Variants in MARCHF1 observed in about 807,000 individuals in gnomAD.
MARCHF1 encodes membrane associated ring-CH-type finger 1.
In MARCHF1, 40 loss-of-function variants were observed where a neutral mutation model predicts 54.2. The observed-to-expected ratio is 0.74, with a 90% CI of 0.57 to 0.96. The LOEUF is 0.96. MARCHF1 is among the 40% of genes least tolerant of loss of function. The pLI, the probability that MARCHF1 is intolerant of heterozygous loss-of-function variation, is 0.00. For missense variants in MARCHF1, 586 were observed against 656.5 expected (o/e 0.89, Z 1.17); for synonymous variants, 236 against 236.3 (o/e 1.00, Z 0.01).
chr4:163,879,884 A>G (rs765243761), intron 3 of MARCHF1, among the ~76,000 whole-genome samples: 3 of 151,816 alleles, frequency 2.0e-5, no homozygotes, highest in South Asian at 2.1e-4. Context: ...ACTTGCATAC[A>G]TTGAAAGATT....
Position 164,026,253 on chromosome 4 carries a change from G to C in MARCHF1, c.-247-37544C>G, listed in dbSNP as rs183466193. Among the ~76,000 whole-genome samples the C allele has an allele frequency of 2.3e-3, 350 of 152,100 alleles. 1 individual carries two copies. The highest frequency in any genetic ancestry group is 8.1e-3 in the African/African-American group (335 of 41,530). On this transcript the variant is annotated intron_variant, in intron 2 of 9. Coordinates refer to ENST00000514618, the MANE Select transcript of MARCHF1 (RefSeq NM_001394959.1). ...CACCCTATGATGCCAACATCAGCTTGATACCAAAATCTGGCAGAGACACAG... is the reference window on the plus strand; with the variant it reads ...CACCCTATGATGCCAACATCAGCTTCATACCAAAATCTGGCAGAGACACAG...
chr4:163,576,822 G>GT (rs35903039), intron 8 of MARCHF1, among the ~76,000 whole-genome samples: 59,040 of 150,038 alleles, frequency 0.39, 11,746 homozygotes, highest in Middle Eastern at 0.46. Context: ...CATTTTTACT[G>GT]TTTTTTTTTA....
At chr4:163,847,549 C>CTTTTTTTT (rs747963284) in intron 4 of MARCHF1, among the ~76,000 whole-genome samples, 2 of 63,630 alleles carry the variant, frequency 3.1e-5, no homozygotes, top group African/African-American at 1.4e-4. Context: ...TTACAGTTTG[C>CTTTTTTTT]TTTTTTTTTT....
intron 4 of MARCHF1, among the ~76,000 whole-genome samples, chr4:163,799,890 G>T (rs994829452): frequency 6.6e-6 from 1 of 151,972 alleles, no homozygotes. Context: ...CAACCTAGCT[G>T]ACCATAAATG....
intron 4 of MARCHF1, among the ~76,000 whole-genome samples, chr4:163,811,638 T>C (rs1250405129): frequency 6.6e-6 from 1 of 152,216 alleles, no homozygotes; most frequent in Non-Finnish European, 1.5e-5. Flanking sequence ...AGATGGAATT[T>C]CATTGAATTA....
intron 3 of MARCHF1, among the ~76,000 whole-genome samples, chr4:163,874,288 G>C (rs1444816511): frequency 6.6e-6 from 1 of 152,100 alleles, no homozygotes; most frequent in African/African-American, 2.4e-5. Flanking sequence ...AGAAGTTTAA[G>C]GTCTGTGATA....
intron 4 of MARCHF1, among the ~76,000 whole-genome samples, chr4:163,840,913 C>A (rs1481389124): frequency 1.3e-5 from 2 of 151,916 alleles, no homozygotes; most frequent in African/African-American, 4.8e-5. Flanking sequence ...TGGGCATATA[C>A]AATTTTTACT....
intron 1 of MARCHF1, among the ~76,000 whole-genome samples, chr4:164,153,849 T>C (rs1356531487): frequency 1.3e-5 from 2 of 152,160 alleles, no homozygotes; most frequent in Admixed American, 1.3e-4. Context: ...TATACATATA[T>C]AACAATGTAT....
chr4:163,704,196 A>G (rs186288561), intron 4 of MARCHF1, among the ~76,000 whole-genome samples: 1 of 151,908 alleles, frequency 6.6e-6, no homozygotes, highest in Admixed American at 6.6e-5. Context: ...ATATTCTGCA[A>G]TTTTATTTCC....
At chr4:164,115,541 T>A (rs925688971) in intron 1 of MARCHF1, among the ~76,000 whole-genome samples, 3 of 152,100 alleles carry the variant, frequency 2.0e-5, no homozygotes, top group African/African-American at 7.2e-5. Flanking sequence ...TTATTCAGAC[T>A]ACAAACATTG....
intron 5 of MARCHF1, among the ~76,000 whole-genome samples, chr4:163,627,180 C>T (rs181592148): frequency 8.5e-5 from 13 of 152,190 alleles, no homozygotes; most frequent in African/African-American, 3.1e-4. Flanking sequence ...GTCATTTGGC[C>T]TCTGCTTGAG....
intron 3 of MARCHF1, among the ~76,000 whole-genome samples, chr4:163,899,319 G>C (rs148468224): frequency 6.6e-6 from 1 of 151,902 alleles, no homozygotes; most frequent in African/African-American, 2.4e-5. Context: ...TAATGATGCC[G>C]GATTGTTAAA....
At chr4:163,672,052 A>C (rs1743754757) in intron 5 of MARCHF1, among the ~76,000 whole-genome samples, 1 of 152,208 alleles carries the variant, frequency 6.6e-6, no homozygotes, top group Admixed American at 6.5e-5. Context: ...GGTTGTTTAT[A>C]CAAAGAGGAC....
At chr4:164,304,933 C>G (rs887392458) in intron 1 of MARCHF1, among the ~76,000 whole-genome samples, 1 of 151,896 alleles carries the variant, frequency 6.6e-6, no homozygotes. Flanking sequence ...TTTTTTAGAA[C>G]AATTGCTTTT....
intron 4 of MARCHF1, among the ~76,000 whole-genome samples, chr4:163,812,336 T>G (rs1451670320): frequency 6.6e-6 from 1 of 151,782 alleles, no homozygotes; most frequent in Non-Finnish European, 1.5e-5. Flanking sequence ...CACATACATG[T>G]ATACATATAC....
At chr4:163,624,827 A>G (rs1461528598) in intron 5 of MARCHF1, among the ~76,000 whole-genome samples, 1 of 152,228 alleles carries the variant, frequency 6.6e-6, no homozygotes, top group East Asian at 1.9e-4. Context: ...TTGTTGAGAA[A>G]TAGGAAAATA....
At chr4:164,129,470 ACCTT>A (rs79771820) in intron 1 of MARCHF1, among the ~76,000 whole-genome samples, 25,040 of 151,996 alleles carry the variant, frequency 0.16, 2,481 homozygotes, top group East Asian at 0.49. Flanking sequence ...GAAATTTGAG[ACCTT>A]CCTTCCAATT....
At chr4:163,934,383 G>T (rs1462320663) in intron 3 of MARCHF1, among the ~76,000 whole-genome samples, 2 of 151,204 alleles carry the variant, frequency 1.3e-5, no homozygotes, top group Non-Finnish European at 3.0e-5. Flanking sequence ...ACATAGAAAT[G>T]CTTCATCTCT....
chr4:164,020,917 A>C (rs1158167125), intron 2 of MARCHF1, among the ~76,000 whole-genome samples: 1 of 152,100 alleles, frequency 6.6e-6, no homozygotes, highest in African/African-American at 2.4e-5. Flanking sequence ...GGTGATAAAG[A>C]CCATAGTGAC....
Sources: allele counts gnomAD v4.1 joint callset (sites outside exome capture counted in the v4.1 genomes callset), GRCh38; gene constraint gnomAD v4.1.1; transcripts MANE v1.5; gene names NCBI Gene and HGNC (gene_info 2026-07-23, HGNC 2026-07-21).